The following TANGO2 variants were observed in gnomAD, a reference collection of about 807,000 sequenced individuals.
TANGO2 encodes the protein transport and Golgi organization protein 2 homolog.
TANGO2 carries 26 observed loss-of-function variants against 39.1 expected under a neutral mutation model. The ratio of observed to expected loss-of-function variants is 0.67; its 90% CI spans 0.49 to 0.92. The LOEUF is 0.92. Among genes scored for constraint, TANGO2 ranks in the 40% least tolerant of loss-of-function variants. The pLI is 0.00. For synonymous variants in TANGO2, 131 were observed against 144.5 expected (o/e 0.91, Z 0.67); for missense variants, 326 against 360.1 (o/e 0.91, Z 0.77).
chr22:20,035,318 G>A (rs1025141276), intron 1 of TANGO2, among the ~76,000 whole-genome samples: 3 of 152,194 alleles, frequency 2.0e-5, no homozygotes, highest in Admixed American at 6.5e-5. Context: ...CTTCACCTCC[G>A]TCCCCACTCA....
chr22:20,039,493 G>C (rs2043497621), intron 2 of TANGO2, among the ~76,000 whole-genome samples: 1 of 151,902 alleles, frequency 6.6e-6, no homozygotes, highest in Admixed American at 6.5e-5. Flanking sequence ...GCCTGGCATG[G>C]TGGCGCACAC....
At chr22:20,060,450 C>T (rs76518635) in intron 6 of TANGO2, among the ~76,000 whole-genome samples, 8,127 of 151,854 alleles carry the variant, frequency 0.054, 316 homozygotes, top group East Asian at 0.09. Context: ...AGAGATAAGG[C>T]CTCACTATTT....
At chr22:20,028,631 C>A (rs532805239) in intron 1 of TANGO2, among the ~76,000 whole-genome samples, 217 of 152,316 alleles carry the variant, frequency 1.4e-3, no homozygotes, top group African/African-American at 4.9e-3. Flanking sequence ...TGGTATTATA[C>A]AAAAGCTAGT....
At position 20,065,259 on chromosome 22, in the gene TANGO2, C is replaced by T. The variant is rs367450; in HGVS notation, c.*597C>T. 67,055 of 152,066 alleles carry T rather than the reference C, an allele frequency of 0.44. 15,370 individuals carry two copies. The highest frequency in any genetic ancestry group is 0.73 in the East Asian group (3,756 of 5,160). 9.4% of individuals were successfully genotyped at this position (152,066 alleles called of 1,614,324 possible). ...GCCACAGAACACAGGCGTGCTTGGA[C>T]TCTTGACAAGCAGACCTGCTCCTGC... is the stretch of plus-strand genomic sequence containing the variant. On this transcript the variant is annotated 3_prime_UTR_variant, in exon 9 of 9. Coordinates refer to ENST00000327374, the MANE Select transcript of TANGO2 (RefSeq NM_152906.7).
In TANGO2 at chr22:20,053,700, G is replaced by A. The variant is rs189710646; in HGVS notation, c.380+149G>A. 19 of 679,346 alleles carry A rather than the reference G, an allele frequency of 2.8e-5. No individual in the cohort carries two copies. The East Asian group carries it at 4.9e-4, about 18-fold the overall frequency. 42.1% of individuals were successfully genotyped at this position (679,346 alleles called of 1,614,324 possible). On this transcript the variant is annotated intron_variant, in intron 5 of 8. Transcript: ENST00000327374. ...TGACTTGGCAAACATTCTGAGGACT[G>A]AGCCTGTCACAGATGTACCAACTCG...
At position 20,060,751 on chromosome 22, in the gene TANGO2, A is replaced by G. The variant is rs184087215; in HGVS notation, c.452-779A>G. On this transcript the variant is annotated intron_variant, in intron 6 of 8. Coordinates refer to ENST00000327374, the MANE Select transcript of TANGO2 (RefSeq NM_152906.7). ...CCCTGGGAAATGCCTCGGCCAAGATATTCTCCTGGAAGTCTGACAGGGAGA... is the reference window on the plus strand; with the variant it reads ...CCCTGGGAAATGCCTCGGCCAAGATGTTCTCCTGGAAGTCTGACAGGGAGA... 6.6e-5 allele frequency among the ~76,000 whole-genome samples: 10 copies of G among 152,126 alleles called. No homozygotes were observed. In the East Asian group the frequency reaches 1.9e-3, roughly 29 times the overall value.
rs1249648472 is a variant in TANGO2 at position 20,065,661 on chromosome 22, GA to G, written c.*1001del. ...GGCCGAAAAACCCACTCTCATAACA[GA>G]AGTGCAGACTCATTGCTAGATTCAG... On this transcript the variant is annotated 3_prime_UTR_variant, in exon 9 of 9. Coordinates refer to ENST00000327374, the MANE Select transcript of TANGO2 (RefSeq NM_152906.7). 6 of 152,320 alleles carry G rather than the reference GA, an allele frequency of 3.9e-5. No individual in the cohort carries two copies. The highest frequency in any genetic ancestry group is 1.4e-4 in the African/African-American group (6 of 41,446). 9.4% of individuals were successfully genotyped at this position (152,320 alleles called of 1,614,324 possible).
chr22:20,038,338 C>A (rs1252669910), intron 2 of TANGO2, among the ~76,000 whole-genome samples: 2 of 152,200 alleles, frequency 1.3e-5, no homozygotes, highest in Non-Finnish European at 2.9e-5. Context: ...ACGGCAGCCC[C>A]AGGAAACTAG....
chr22:20,031,437 T>C (rs745489797), intron 1 of TANGO2, among the ~76,000 whole-genome samples: 6 of 152,220 alleles, frequency 3.9e-5, no homozygotes, highest in Admixed American at 3.3e-4. Flanking sequence ...CCTGCTGCGC[T>C]GTGCTGGTGT....
chr22:20,043,938 G>A lies in TANGO2; in HGVS notation c.145+495G>A, dbSNP rs528831461. On this transcript the variant is annotated intron_variant, in intron 3 of 8. Transcript: ENST00000327374. ...AAGCCCCGTCACCTGCACCATGCCT[G>A]TGTTGCATTAGGTGTACTTATAGGG... 6.9e-4 allele frequency among the ~76,000 whole-genome samples: 105 copies of A among 152,334 alleles called. 1 individual carries two copies. Among genetic ancestry groups the A allele is most frequent in the African/African-American group, 2.5e-3 (102 of 41,576 alleles).
chr22:20,032,863 C>G (rs1221416794), intron 1 of TANGO2, among the ~76,000 whole-genome samples: 2 of 152,248 alleles, frequency 1.3e-5, no homozygotes, highest in Non-Finnish European at 2.9e-5. Context: ...GCGCCCAGAT[C>G]AAGATATGGT....
At chr22:20,062,351 C>T (rs557372818) in intron 7 of TANGO2, among the ~76,000 whole-genome samples, 5 of 152,302 alleles carry the variant, frequency 3.3e-5, no homozygotes, top group African/African-American at 1.2e-4. Flanking sequence ...CAGACCACTG[C>T]CCTGCCCAGG....
At chr22:20,041,330 T>G (rs1233102904) in intron 2 of TANGO2, among the ~76,000 whole-genome samples, 1 of 140,244 alleles carries the variant, frequency 7.1e-6, no homozygotes, top group Non-Finnish European at 1.6e-5. Flanking sequence ...TTTTTTTTTT[T>G]GAGACGGAGT....
intron 1 of TANGO2, among the ~76,000 whole-genome samples, chr22:20,024,655 A>G (rs1456372897): frequency 2.0e-5 from 3 of 152,326 alleles, no homozygotes; most frequent in East Asian, 1.9e-4. Context: ...TGCAGCCCCA[A>G]TAGGAGCCCG....
chr22:20,061,443 AC>A, intron 6 of TANGO2, 86 bp from the exon 7 acceptor site: 1 of 1,447,284 alleles, frequency 6.9e-7, no homozygotes, highest in East Asian at 2.5e-5. Context: ...CCCCAGCTGT[AC>A]CCCGTGTTAG....
chr22:20,036,708 C>A, intron 1 of TANGO2, 52 bp from the exon 2 acceptor site: 1 of 1,516,132 alleles, frequency 6.6e-7, no homozygotes, highest in Non-Finnish European at 9.2e-7. Flanking sequence ...GTTCGGAGGG[C>A]AGCCCTGAGT....
chr22:20,061,917 GGGAGGCTCAGTGCA>G, intron 7 of TANGO2: 3 of 548,168 alleles, frequency 5.5e-6, no homozygotes, highest in Non-Finnish European at 9.4e-6. Flanking sequence ...CCAGGCCCAG[GGGAGGCTCAGTGCA>G]CCCAGAGGCT....
chr22:20,055,131 C>T (rs1460293686), intron 5 of TANGO2: 1 of 152,216 alleles, frequency 6.6e-6, no homozygotes, highest in Non-Finnish European at 1.5e-5. Flanking sequence ...CCCAGGGCTC[C>T]ATGCCCAGCA....
intron 1 of TANGO2, among the ~76,000 whole-genome samples, chr22:20,022,930 C>T (rs987502922): frequency 1.3e-5 from 2 of 152,232 alleles, no homozygotes; most frequent in African/African-American, 4.8e-5. Context: ...CAGCACATGG[C>T]AGCAGCATGG....
Sources: gnomAD v4.1 joint callset for allele counts (sites outside exome capture counted in the v4.1 genomes callset) on GRCh38, gnomAD v4.1.1 for gene constraint, MANE v1.5 for transcripts, NCBI Gene and HGNC (gene_info 2026-07-23, HGNC 2026-07-21) for gene names.